The following DMD variants were observed in gnomAD, a reference collection of about 807,000 sequenced individuals.
The protein encoded by DMD is mutant dystrophin.
In DMD, 63 loss-of-function variants were observed where a neutral mutation model predicts 330.1. That is an observed-to-expected ratio of 0.19 (90% confidence interval 0.16 to 0.24). The LOEUF (loss-of-function observed/expected upper bound fraction) is 0.24. DMD is among the 10% of genes least tolerant of loss of function. The pLI, the probability that DMD is intolerant of heterozygous loss-of-function variation, is 1.00. For missense variants in DMD, 3,344 were observed against 2,684.1 expected (o/e 1.25, Z -5.43); for synonymous variants, 1,223 against 959.8 (o/e 1.27, Z -5.07).
At chrX:31,554,824 T>C (rs891355352) in intron 55 of DMD, among the ~76,000 whole-genome samples, 8 of 111,908 alleles carry the variant, frequency 7.1e-5, no homozygotes, top group African/African-American at 2.6e-4. Flanking sequence ...TACAAATTCA[T>C]GGGCAATTGA....
chrX:32,146,114 T>C (rs914361603), intron 44 of DMD, among the ~76,000 whole-genome samples: 9 of 112,444 alleles, frequency 8.0e-5, no homozygotes, highest in Admixed American at 1.9e-4. Context: ...AGGACATCTC[T>C]TCCTGTTTAG....
At chrX:33,242,127 C>G (rs1182545005) in intron 1 of DMD, among the ~76,000 whole-genome samples, 2 of 111,191 alleles carry the variant, frequency 1.8e-5, no homozygotes, top group Non-Finnish European at 3.8e-5. Context: ...TTTATTTTCC[C>G]TAAGTTATTG....
chrX:31,265,257 AC>A (rs1280768999), intron 62 of DMD, among the ~76,000 whole-genome samples: 1 of 112,223 alleles, frequency 8.9e-6, no homozygotes, highest in Non-Finnish European at 1.9e-5. Context: ...TTCTAGAGGA[AC>A]CTTGGCATTT....
intron 52 of DMD, 34 bp downstream of exon 52, chrX:31,729,597 G>C: frequency 9.3e-7 from 1 of 1,079,324 alleles, no homozygotes; most frequent in Non-Finnish European, 1.3e-6. Context: ...CATGCATCTT[G>C]CTTTGTGTGT....
intron 20 of DMD, among the ~76,000 whole-genome samples, chrX:32,487,281 CAA>C (rs758393119): frequency 7.7e-4 from 86 of 111,795 alleles, no homozygotes; most frequent in Admixed American, 4.9e-3. Flanking sequence ...AATTTGAACT[CAA>C]AGTTTTCACT....
At chrX:32,272,564 G>A (rs2097369201) in intron 43 of DMD, among the ~76,000 whole-genome samples, 1 of 112,108 alleles carries the variant, frequency 8.9e-6, no homozygotes, top group Non-Finnish European at 1.9e-5. Context: ...TATGTGAAAT[G>A]CCATGGAGGC....
chrX:33,336,887 T>G (rs2054262331), intron 1 of DMD, among the ~76,000 whole-genome samples: 1 of 111,155 alleles, frequency 9.0e-6, no homozygotes, highest in African/African-American at 3.3e-5. Context: ...GGCAGACATT[T>G]CCAGCTCTTA....
At chrX:31,339,136 A>G (rs2148419683) in intron 61 of DMD, among the ~76,000 whole-genome samples, 1 of 110,888 alleles carries the variant, frequency 9.0e-6, no homozygotes, top group Admixed American at 9.6e-5. Flanking sequence ...AAATTCCCAT[A>G]GCAGAAACAA....
chrX:31,508,328 C>T, intron 55 of DMD: 4 of 1,059,732 alleles, frequency 3.8e-6, no homozygotes, highest in Non-Finnish European at 5.1e-6. Flanking sequence ...CTTTAAAATG[C>T]CAACTTTGCT....
chrX:31,214,930 C>CTTTT (rs1302015325), intron 64 of DMD, among the ~76,000 whole-genome samples: 20 of 46,130 alleles, frequency 4.3e-4, no homozygotes, highest in African/African-American at 1.1e-3. Context: ...TTTTTTATTT[C>CTTTT]TTTTTTCTTT....
chrX:32,901,891 T>C (rs956078122), intron 2 of DMD, among the ~76,000 whole-genome samples: 2 of 110,369 alleles, frequency 1.8e-5, no homozygotes, highest in African/African-American at 6.7e-5. Flanking sequence ...TAGTAAATTA[T>C]AAGCAGTGAT....
At chrX:31,152,015 C>G (rs1355183442) in intron 74 of DMD, among the ~76,000 whole-genome samples, 2 of 112,039 alleles carry the variant, frequency 1.8e-5, no homozygotes, top group African/African-American at 6.5e-5. Context: ...CCTTCTCTGA[C>G]AGGACAAAGT....
intron 55 of DMD, among the ~76,000 whole-genome samples, chrX:31,560,268 C>T (rs1023482405): frequency 2.7e-5 from 3 of 111,443 alleles, no homozygotes; most frequent in Non-Finnish European, 5.6e-5. Context: ...GCCAACAAAC[C>T]CCCAAGTTAT....
intron 47 of DMD, among the ~76,000 whole-genome samples, chrX:31,911,652 T>A (rs1603582698): frequency 8.9e-6 from 1 of 111,942 alleles, no homozygotes; most frequent in East Asian, 2.8e-4. Context: ...ACTCGCAATG[T>A]CAAAAACACA....
At chrX:33,069,716 T>C (rs182666449) in intron 1 of DMD, among the ~76,000 whole-genome samples, 200 of 111,748 alleles carry the variant, frequency 1.8e-3, no homozygotes, top group African/African-American at 6.2e-3. Context: ...CAGGATTTAA[T>C]AGAATTAGAT....
intron 43 of DMD, among the ~76,000 whole-genome samples, chrX:32,241,082 T>G (rs1434710515): frequency 1.8e-5 from 2 of 112,470 alleles, no homozygotes; most frequent in East Asian, 5.6e-4. Context: ...TGTCATTTTA[T>G]GACTGTATTG....
intron 7 of DMD, among the ~76,000 whole-genome samples, chrX:32,770,173 T>G (rs760381515): frequency 2.7e-5 from 3 of 111,841 alleles, no homozygotes; most frequent in African/African-American, 9.7e-5. Flanking sequence ...CATGGGGTTG[T>G]ATTAACAAGA....
chrX:31,809,156 AATATATATGAGTTTAT>A (rs1449395006), intron 50 of DMD, among the ~76,000 whole-genome samples: 128 of 55,306 alleles, frequency 2.3e-3, no homozygotes, highest in African/African-American at 8.4e-3. Context: ...TTTATATATA[AATATATATGAGTTTAT>A]ATATATATGA....
At chrX:32,958,413 G>A (rs1325381417) in intron 2 of DMD, among the ~76,000 whole-genome samples, 1 of 110,874 alleles carries the variant, frequency 9.0e-6, no homozygotes, top group African/African-American at 3.3e-5. Flanking sequence ...TTCAGGCACT[G>A]GAAAGACTCC....
Sources: gnomAD v4.1 joint callset for allele counts (sites outside exome capture counted in the v4.1 genomes callset) on GRCh38, gnomAD v4.1.1 for gene constraint, MANE v1.5 for transcripts, NCBI Gene and HGNC (gene_info 2026-07-23, HGNC 2026-07-21) for gene names.